The following CFAP299 variants were observed in gnomAD, a reference collection of about 807,000 sequenced individuals.
CFAP299 encodes the protein cilia and flagella associated protein 299.
A neutral mutation model predicts 27.0 loss-of-function variants in CFAP299; 21 were observed. That is an observed-to-expected ratio of 0.78 (90% CI 0.55 to 1.12). The LOEUF is 1.12. Ranked by LOEUF, CFAP299 falls within the 50% of genes most tolerant of loss-of-function variation. The pLI, the probability that CFAP299 is intolerant of heterozygous loss-of-function variation, is 0.00. For missense variants in CFAP299, 310 were observed against 276.6 expected, an observed-to-expected ratio of 1.12 and a Z score of -0.86; for synonymous variants, 104 against 98.1, an observed-to-expected ratio of 1.06 and a Z score of -0.36.
intron 2 of CFAP299, among the ~76,000 whole-genome samples, chr4:80,472,989 C>T (rs537183094): frequency 2.0e-5 from 3 of 152,226 alleles, no homozygotes; most frequent in East Asian, 3.9e-4. Flanking sequence ...AAAATGATTA[C>T]AGGCTAGTTA....
intron 4 of CFAP299, among the ~76,000 whole-genome samples, chr4:80,922,376 A>G (rs1208313545): frequency 6.6e-6 from 1 of 152,064 alleles, no homozygotes; most frequent in East Asian, 1.9e-4. Context: ...AAATCTTTTC[A>G]TGGTTTTATG....
Position 80,909,652 on chromosome 4 carries a change from G to T in CFAP299, c.477-35158G>T, listed in dbSNP as rs1035834765. On this transcript the variant is annotated intron_variant, in intron 4 of 5. Transcript: ENST00000358105. Reference sequence around the variant, plus strand: ...ATTCCAAGGAAGTTTTCTTCATAATGACTTCCTTTTATAAACTTTAAACGG... The same window carrying T: ...ATTCCAAGGAAGTTTTCTTCATAATTACTTCCTTTTATAAACTTTAAACGG... Among the ~76,000 whole-genome samples, 22 of 151,686 alleles carry T rather than the reference G, an allele frequency of 1.5e-4. 1 individual carries two copies. Among genetic ancestry groups the T allele is most frequent in the African/African-American group, 5.3e-4 (22 of 41,434 alleles).
At chr4:80,817,651 G>C (rs764894489) in intron 3 of CFAP299, among the ~76,000 whole-genome samples, 3 of 151,866 alleles carry the variant, frequency 2.0e-5, no homozygotes, top group Non-Finnish European at 2.9e-5. Context: ...TCACATTTAG[G>C]ACAAATTTAG....
intron 3 of CFAP299, among the ~76,000 whole-genome samples, chr4:80,811,322 T>C (rs938801272): frequency 6.6e-6 from 1 of 152,158 alleles, no homozygotes; most frequent in Non-Finnish European, 1.5e-5. Flanking sequence ...GTAGGTATCT[T>C]TTAAACATGG....
intron 2 of CFAP299, among the ~76,000 whole-genome samples, chr4:80,560,486 T>G (rs1734985053): frequency 6.6e-6 from 1 of 151,728 alleles, no homozygotes; most frequent in South Asian, 2.1e-4. Flanking sequence ...TAGCCACAGG[T>G]GGGTAGAGCA....
rs144802469 is a variant in CFAP299, at chr4:80,432,878, G to T, written c.242+69994G>T. On this transcript the variant is annotated intron_variant, in intron 2 of 5. Coordinates refer to ENST00000358105, the MANE Select transcript of CFAP299 (RefSeq NM_152770.3). The stretch of plus-strand genomic sequence containing the variant: ...AGGTAATAAAAATCTAGAGTTGGAG[G>T]GAGGGGAATAAGTATTCTTAGCTTC... 6.2e-3 allele frequency among the ~76,000 whole-genome samples: 937 copies of T among 152,094 alleles called. 2 individuals carry two copies. Among genetic ancestry groups the T allele is most frequent in the Middle Eastern group, 0.024 (7 of 292 alleles).
At position 80,387,576 on chromosome 4, in the gene CFAP299, G is replaced by A. The variant is rs1725084961; in HGVS notation, c.242+24692G>A. On this transcript the variant is annotated intron_variant, in intron 2 of 5. Coordinates refer to ENST00000358105, the MANE Select transcript of CFAP299 (RefSeq NM_152770.3). The stretch of plus-strand genomic sequence containing the variant: ...CATCCTCCTGCCTACTGGGGTTCAG[G>A]GCCAAGACCTGTACAGTCACAGAGT... 4 of 1,083,496 alleles carry A rather than the reference G, an allele frequency of 3.7e-6. No homozygotes were observed. The Admixed American group carries it at 5.2e-5, about 14-fold the overall frequency. The allele number at this position is 1,083,496 out of a possible 1,614,324, so 67.1% of individuals were successfully genotyped here.
chr4:80,803,959 C>T (rs1350619397), intron 3 of CFAP299, among the ~76,000 whole-genome samples: 1 of 151,978 alleles, frequency 6.6e-6, no homozygotes, highest in Non-Finnish European at 1.5e-5. Flanking sequence ...CAAGATCACT[C>T]AGTGTCTGGT....
At chr4:80,730,248 C>CTG (rs34594345) in intron 3 of CFAP299, among the ~76,000 whole-genome samples, 72,324 of 130,346 alleles carry the variant, frequency 0.55, 22,805 homozygotes, top group Non-Finnish European at 0.72. Context: ...CTCTCTCTCT[C>CTG]TGTGTGTGTG....
chr4:80,387,102 G>T (rs376871597), intron 2 of CFAP299: 2 of 1,443,818 alleles, frequency 1.4e-6, no homozygotes, highest in Admixed American at 1.7e-5. Context: ...ATGCTCCAGG[G>T]CCTCTGGGGT....
At chr4:80,527,665 T>G (rs142878826) in intron 2 of CFAP299, among the ~76,000 whole-genome samples, 4 of 152,286 alleles carry the variant, frequency 2.6e-5, no homozygotes, top group Admixed American at 2.6e-4. Flanking sequence ...TCACCGAAAC[T>G]GCATGACCCT....
At chr4:80,390,771 A>G (rs1725378618) in intron 2 of CFAP299, among the ~76,000 whole-genome samples, 1 of 145,874 alleles carries the variant, frequency 6.9e-6, no homozygotes, top group South Asian at 2.1e-4. Flanking sequence ...GTATATATGT[A>G]TATATACATA....
intron 3 of CFAP299, among the ~76,000 whole-genome samples, chr4:80,780,716 T>G (rs1726822997): frequency 6.7e-6 from 1 of 150,038 alleles, no homozygotes; most frequent in African/African-American, 2.5e-5. Context: ...AAATAGAAAT[T>G]ATATATATAT....
chr4:80,460,937 C>T (rs1729407651), intron 2 of CFAP299, among the ~76,000 whole-genome samples: 1 of 152,234 alleles, frequency 6.6e-6, no homozygotes, highest in African/African-American at 2.4e-5. Context: ...GGTCAGGCTA[C>T]AGCTTGATTT....
At chr4:80,859,269 C>A (rs1732152616) in intron 3 of CFAP299, among the ~76,000 whole-genome samples, 1 of 152,010 alleles carries the variant, frequency 6.6e-6, no homozygotes, top group Non-Finnish European at 1.5e-5. Context: ...CTTGGTAGAT[C>A]TTCCTCCATC....
At chr4:80,597,794 C>A (rs1737136124) in intron 3 of CFAP299, among the ~76,000 whole-genome samples, 1 of 152,100 alleles carries the variant, frequency 6.6e-6, no homozygotes, top group Admixed American at 6.6e-5. Context: ...TCAGGCAATT[C>A]TCCTGCCTCA....
intron 3 of CFAP299, among the ~76,000 whole-genome samples, chr4:80,673,647 T>A (rs1418454964): frequency 6.6e-6 from 1 of 152,102 alleles, no homozygotes; most frequent in African/African-American, 2.4e-5. Flanking sequence ...TGTGTGGGAG[T>A]CTAAGCCTCT....
intron 3 of CFAP299, among the ~76,000 whole-genome samples, chr4:80,585,320 T>A (rs1183621323): frequency 6.6e-6 from 1 of 152,162 alleles, no homozygotes; most frequent in Non-Finnish European, 1.5e-5. Flanking sequence ...CTGAATTTGA[T>A]TTGTTTTTGA....
At chr4:80,421,677 G>A (rs17004895) in intron 2 of CFAP299, among the ~76,000 whole-genome samples, 2,994 of 152,200 alleles carry the variant, frequency 0.02, 53 homozygotes, top group Admixed American at 0.06. Flanking sequence ...CCTTAGAAGC[G>A]GGATTTCATG....
Sources: allele counts gnomAD v4.1 joint callset (sites outside exome capture counted in the v4.1 genomes callset), GRCh38; gene constraint gnomAD v4.1.1; transcripts MANE v1.5; gene names NCBI Gene and HGNC (gene_info 2026-07-23, HGNC 2026-07-21).